ARHGAP8: variants seen among roughly 807,000 people sequenced by gnomAD.
The protein encoded by ARHGAP8 is rho GTPase-activating protein 8.
Under a neutral mutation model 46.1 loss-of-function variants are expected in ARHGAP8, and 62 were observed. The observed-to-expected ratio is 1.34, with a 90% CI of 1.10 to 1.66. The LOEUF (loss-of-function observed/expected upper bound fraction) is 1.66, where lower values mean the gene tolerates loss of function less well. Among genes scored for constraint, ARHGAP8 ranks in the 40% most tolerant of loss-of-function variants. The probability of loss-of-function intolerance (pLI) is 0.00; values close to 1 mark genes in which losing one functional copy is unlikely to be tolerated. For synonymous variants in ARHGAP8, 375 were observed against 243.1 expected, an observed-to-expected ratio of 1.54 and a Z score of -5.05; for missense variants, 923 against 568.4, an observed-to-expected ratio of 1.62 and a Z score of -6.34.
At chr22:44,821,166 T>C (rs991765488) in intron 5 of ARHGAP8, among the ~76,000 whole-genome samples, 3 of 152,196 alleles carry the variant, frequency 2.0e-5, no homozygotes, top group Non-Finnish European at 2.9e-5. Flanking sequence ...GCACGGTGGC[T>C]CATGCCTGTA....
intron 1 of ARHGAP8, among the ~76,000 whole-genome samples, chr22:44,770,516 C>T (rs367689394): frequency 6.6e-6 from 1 of 152,208 alleles, no homozygotes; most frequent in East Asian, 1.9e-4. Context: ...AGCAGTCCTC[C>T]TGCCTCAGCC....
chr22:44,755,107 C>T (rs1000332065), intron 1 of ARHGAP8, among the ~76,000 whole-genome samples: 1 of 152,236 alleles, frequency 6.6e-6, no homozygotes, highest in Non-Finnish European at 1.5e-5. Context: ...TCCTTGCTCA[C>T]ATCAGGAGGC....
Position 44,859,760 on chromosome 22 carries a change from TGCC to T in ARHGAP8, c.911_913del (p.Arg304del). On this transcript the variant is annotated inframe_deletion, in exon 11 of 12. Transcript: ENST00000356099. ...GGAGAGCAGCCTGCGTGTCACTGGC[TGCC>T]GCCAGATCTTACGGAGCCTCCCAGA... The T allele has an allele frequency of 6.2e-7, 1 of 1,613,992 alleles. No homozygotes were observed.
chr22:44,845,522 C>G (rs187729236), intron 8 of ARHGAP8, among the ~76,000 whole-genome samples, 180 bp downstream of exon 8: 6 of 148,898 alleles, frequency 4.0e-5, no homozygotes, highest in Non-Finnish European at 8.9e-5. Flanking sequence ...TGAATCCTGT[C>G]TCCCCTGTGT....
At chr22:44,793,107 C>T (rs1030062578) in intron 2 of ARHGAP8, among the ~76,000 whole-genome samples, 3 of 152,176 alleles carry the variant, frequency 2.0e-5, no homozygotes, top group African/African-American at 7.2e-5. Flanking sequence ...TAGGCATGAG[C>T]CACCGCACCT....
intron 1 of ARHGAP8, among the ~76,000 whole-genome samples, chr22:44,754,836 A>G (rs1003222681): frequency 2.6e-5 from 4 of 152,112 alleles, no homozygotes; most frequent in African/African-American, 9.7e-5. Context: ...GCCTGACAGT[A>G]TGTTTCACCA....
At chr22:44,858,363 G>GT (rs2070300310) in intron 10 of ARHGAP8, among the ~76,000 whole-genome samples, 1 of 121,440 alleles carries the variant, frequency 8.2e-6, no homozygotes, top group Admixed American at 9.5e-5. Context: ...TTGTTGGTTG[G>GT]TGGTGGTTTT....
At chr22:44,801,785 C>T (rs1276143400) in intron 2 of ARHGAP8, 3 of 387,240 alleles carry the variant, frequency 7.7e-6, no homozygotes, top group Non-Finnish European at 1.4e-5. Flanking sequence ...TCCTTGGTGC[C>T]GCCTGCCAGC....
chr22:44,809,018 C>T (rs1456559449), intron 4 of ARHGAP8: 1 of 445,046 alleles, frequency 2.2e-6, no homozygotes, highest in Non-Finnish European at 4.6e-6. Context: ...ACGGGGATCT[C>T]ACTATGTGGC....
chr22:44,762,926 G>T (rs1004646360), intron 1 of ARHGAP8, among the ~76,000 whole-genome samples: 1 of 152,142 alleles, frequency 6.6e-6, no homozygotes, highest in African/African-American at 2.4e-5. Context: ...CAGGATGGGG[G>T]CTGTCCCAGA....
At chr22:44,769,938 G>A (rs1384383318) in intron 1 of ARHGAP8, among the ~76,000 whole-genome samples, 2 of 152,106 alleles carry the variant, frequency 1.3e-5, no homozygotes, top group African/African-American at 4.8e-5. Flanking sequence ...GATTGGTTCA[G>A]GATGCAGTCA....
At chr22:44,852,175 G>C (rs938807484) in intron 10 of ARHGAP8, among the ~76,000 whole-genome samples, 1 of 110,466 alleles carries the variant, frequency 9.1e-6, no homozygotes, top group Non-Finnish European at 1.7e-5. Flanking sequence ...CTGGGCGACA[G>C]AGTGAGACTT....
At chr22:44,848,861 C>T (rs2070025145) in intron 9 of ARHGAP8, 71 bp from the exon 10 acceptor site, 8 of 1,597,754 alleles carry the variant, frequency 5.0e-6, no homozygotes, top group African/African-American at 1.3e-5. Flanking sequence ...CCCTGTGTCT[C>T]AGAGCTCGTT....
In ARHGAP8 at chr22:44,862,283, G is replaced by A. The variant is rs779431067; in HGVS notation, c.990G>A (p.Arg330=). ...YLMGFLHAVS[R]ESIFNKMNSS... ...TGTGTGGTTTCCTCCAGGTGTCCCG[G>A]GAGAGCATCTTCAACAAAATGAACA... Residue 330 remains arginine (R), a synonymous_variant, in exon 12 of 12, where the codon CGG becomes CGA. Transcript: ENST00000356099. The A allele has an allele frequency of 2.5e-6, 4 of 1,592,424 alleles. No individual in the cohort carries two copies. The highest frequency in any genetic ancestry group is 1.7e-5 in the Admixed American group (1 of 59,250).
In ARHGAP8 at chr22:44,825,558, G is replaced by C. The variant is rs778484303; in HGVS notation, c.561G>C (p.Pro187=). Residue 187 remains proline (P), a synonymous_variant, in exon 7 of 12, where the codon CCG becomes CCC. Transcript: ENST00000356099. Reference sequence around the variant, plus strand: ...CCAAGACACCACCGCCGCGGCCCCCGCTGCCCACACAGCAGTTTGGCGTCA... The same window carrying C: ...CCAAGACACCACCGCCGCGGCCCCCCCTGCCCACACAGCAGTTTGGCGTCA... ...PPTKTPPPRP[P]LPTQQFGVSL... The C allele has an allele frequency of 6.2e-7, 1 of 1,612,924 alleles. No individual in the cohort carries two copies. Among genetic ancestry groups the C allele is most frequent in the Non-Finnish European group, 8.5e-7 (1 of 1,179,708 alleles).
chr22:44,845,348 A>T lies in ARHGAP8; in HGVS notation c.670+6A>T. 1 of 1,614,020 alleles carries T rather than the reference A, an allele frequency of 6.2e-7. No homozygotes were observed. ...GACGTACCTGAGAGAGAAAGGTGAG[A>T]CGGGGCCGGCTCCAGCTGGATGACG... is the stretch of plus-strand genomic sequence containing the variant. On this transcript the variant is annotated splice_donor_region_variant and intron_variant, in intron 8 of 11. Transcript: ENST00000356099.
chr22:44,839,624 C>T (rs1931521400), intron 7 of ARHGAP8, among the ~76,000 whole-genome samples: 1 of 152,208 alleles, frequency 6.6e-6, no homozygotes, highest in African/African-American at 2.4e-5. Context: ...GAGCTGGTCA[C>T]CTGGCCTCTC....
intron 8 of ARHGAP8, 95 bp from the exon 9 acceptor site, chr22:44,847,878 G>T: frequency 1.3e-6 from 2 of 1,503,964 alleles, no homozygotes; most frequent in South Asian, 2.3e-5. Context: ...GCCAGCCACA[G>T]GTGGGTGATG....
intron 5 of ARHGAP8, among the ~76,000 whole-genome samples, chr22:44,818,127 A>G (rs551258875): frequency 7.8e-4 from 119 of 151,758 alleles, no homozygotes; most frequent in African/African-American, 2.8e-3. Flanking sequence ...TAAGAGTTCT[A>G]GAAACCTCTA....
Sources: allele counts gnomAD v4.1 joint callset (sites outside exome capture counted in the v4.1 genomes callset), GRCh38; gene constraint gnomAD v4.1.1; transcripts MANE v1.5; gene names NCBI Gene and HGNC (gene_info 2026-07-23, HGNC 2026-07-21).